Variants in UXS1 observed in about 807,000 individuals in gnomAD.
UXS1 encodes UDP-glucuronic acid decarboxylase 1.
In UXS1, 33 loss-of-function variants were observed where a neutral mutation model predicts 62.6. The ratio of observed to expected loss-of-function variants is 0.53; its 90% CI spans 0.40 to 0.70. The LOEUF (loss-of-function observed/expected upper bound fraction) is 0.70. UXS1 is among the 30% of genes least tolerant of loss of function. UXS1 has a pLI of 0.00. For synonymous variants in UXS1, 213 were observed against 206.8 expected (o/e 1.03, Z -0.26); for missense variants, 434 against 556.3 (o/e 0.78, Z 2.21).
intron 9 of UXS1, among the ~76,000 whole-genome samples, chr2:106,118,158 A>G (rs1301526223): frequency 6.6e-6 from 1 of 151,298 alleles, no homozygotes; most frequent in Non-Finnish European, 1.5e-5. Context: ...GGTCCAGAGG[A>G]CAGGACGGGC....
intron 14 of UXS1, among the ~76,000 whole-genome samples, chr2:106,096,175 C>G (rs1677068580): frequency 6.7e-6 from 1 of 149,434 alleles, no homozygotes; most frequent in Admixed American, 6.8e-5. Context: ...ACAGCGTTCA[C>G]AGTCAGGGGT....
intron 14 of UXS1, among the ~76,000 whole-genome samples, chr2:106,094,639 T>C (rs1676931361): frequency 6.6e-6 from 1 of 152,076 alleles, no homozygotes; most frequent in South Asian, 2.1e-4. Context: ...GCCTAGCGGA[T>C]CATGGCCCAC....
In UXS1 at chr2:106,166,677, G is replaced by C. The variant is rs191108712; in HGVS notation, c.95-594C>G. 8.5e-3 allele frequency among the ~76,000 whole-genome samples: 1,251 copies of C among 147,144 alleles called. 18 individuals are homozygous for C. Among genetic ancestry groups the C allele is most frequent in the Non-Finnish European group, 0.013 (889 of 67,224 alleles). On this transcript the variant is annotated intron_variant, in intron 1 of 14. Coordinates refer to ENST00000283148, the MANE Select transcript of UXS1 (RefSeq NM_001253875.2). Reference sequence around the variant, plus strand: ...TTTGGAATACCTCTTTTGGGGTCTAGAGTTGGACAGTGCAGGTGAAGCTTT... The same window carrying C: ...TTTGGAATACCTCTTTTGGGGTCTACAGTTGGACAGTGCAGGTGAAGCTTT...
chr2:106,175,024 C>T (rs1362694580), intron 1 of UXS1, among the ~76,000 whole-genome samples: 1 of 152,210 alleles, frequency 6.6e-6, no homozygotes, highest in Non-Finnish European at 1.5e-5. Context: ...GTGGCACATG[C>T]TCAAACAAAA....
At chr2:106,095,440 C>G (rs1167125245) in intron 14 of UXS1, among the ~76,000 whole-genome samples, 2 of 152,216 alleles carry the variant, frequency 1.3e-5, no homozygotes, top group Non-Finnish European at 2.9e-5. Flanking sequence ...AAGGATCAGG[C>G]TGGAACTCTC....
chr2:106,136,993 C>CAA (rs1680707053), intron 6 of UXS1, among the ~76,000 whole-genome samples: 1 of 120,754 alleles, frequency 8.3e-6, no homozygotes, highest in African/African-American at 3.2e-5. Context: ...AAAAGAAAGC[C>CAA]AAGTCTGAAA....
At chr2:106,160,955 G>A (rs1309660762) in intron 4 of UXS1, among the ~76,000 whole-genome samples, 1 of 152,242 alleles carries the variant, frequency 6.6e-6, no homozygotes, top group South Asian at 2.1e-4. Flanking sequence ...TCACTTCTTC[G>A]AGAAGCCACA....
intron 1 of UXS1, chr2:106,166,368 G>T: frequency 3.6e-6 from 1 of 278,540 alleles, no homozygotes; most frequent in South Asian, 1.2e-4. Flanking sequence ...GTGACAAGTG[G>T]GCTTTTAAAG....
At chr2:106,139,858 A>G (rs1265918858) in intron 6 of UXS1, among the ~76,000 whole-genome samples, 1 of 152,208 alleles carries the variant, frequency 6.6e-6, no homozygotes, top group Non-Finnish European at 1.5e-5. Flanking sequence ...AACTCACGCG[A>G]TTATTTAGCA....
At chr2:106,127,060 G>A (rs1680018519) in intron 7 of UXS1, among the ~76,000 whole-genome samples, 1 of 152,198 alleles carries the variant, frequency 6.6e-6, no homozygotes, top group South Asian at 2.1e-4. Flanking sequence ...CCAAGCTGCA[G>A]TGTGTATCAA....
chr2:106,111,500 G>C (rs1278627758), intron 10 of UXS1, among the ~76,000 whole-genome samples: 1 of 152,196 alleles, frequency 6.6e-6, no homozygotes, highest in Non-Finnish European at 1.5e-5. Context: ...TGGTAGCGGA[G>C]CAGCCAACAC....
In UXS1 at chr2:106,179,532, T is replaced by C. The variant is rs554359554; in HGVS notation, c.95-13449A>G. 2.6e-5 allele frequency: 4 copies of C among 152,304 alleles called. No individual in the cohort carries two copies. In the East Asian group the frequency reaches 5.8e-4, roughly 22 times the overall value. 9.4% of individuals were successfully genotyped at this position (152,304 alleles called of 1,614,324 possible). On this transcript the variant is annotated intron_variant, in intron 1 of 14. Coordinates refer to ENST00000283148, the MANE Select transcript of UXS1 (RefSeq NM_001253875.2). ...TGCAAGTTCAACATTACAGAGGAAA[T>C]GGAAGATTACAATGAGAACTTTAAT...
At chr2:106,154,342 A>G (rs1682265132) in intron 5 of UXS1, among the ~76,000 whole-genome samples, 1 of 152,250 alleles carries the variant, frequency 6.6e-6, no homozygotes, top group Non-Finnish European at 1.5e-5. Context: ...ACTGTCCTAC[A>G]AAGTTTATGT....
intron 13 of UXS1, among the ~76,000 whole-genome samples, chr2:106,097,864 G>A (rs537412086): frequency 1.3e-5 from 2 of 152,340 alleles, no homozygotes; most frequent in Admixed American, 1.3e-4. Flanking sequence ...GGGAGCCACA[G>A]ATGATGCAGG....
At chr2:106,142,868 T>C (rs1185599475) in intron 6 of UXS1, among the ~76,000 whole-genome samples, 1 of 152,126 alleles carries the variant, frequency 6.6e-6, no homozygotes, top group African/African-American at 2.4e-5. Context: ...GCACCAGTCA[T>C]TTATTGTATG....
intron 2 of UXS1, 71 bp from the exon 3 acceptor site, chr2:106,164,870 ACC>A: frequency 8.4e-7 from 1 of 1,188,420 alleles, no homozygotes; most frequent in Non-Finnish European, 1.2e-6. Context: ...CCCTAACATA[ACC>A]CAACGGATGC....
Position 106,179,148 on chromosome 2 carries a change from C to T in UXS1, c.95-13065G>A, listed in dbSNP as rs1684087898. On this transcript the variant is annotated intron_variant, in intron 1 of 14. Transcript: ENST00000283148. The stretch of plus-strand genomic sequence containing the variant: ...TCATGCATCAGGCACAGGTGAGGCA[C>T]CCTCTCCAAATCAAGGCCAATCCCA... Among the ~76,000 whole-genome samples, 4 of 152,112 alleles carry T rather than the reference C, an allele frequency of 2.6e-5. No individual in the cohort carries two copies. In the South Asian group the frequency reaches 8.3e-4, roughly 31 times the overall value.
rs58256054 is a variant in UXS1 at position 106,138,735 on chromosome 2, G to C, written c.472+6455C>G. 1.5e-3 allele frequency: 1,445 copies of C among 985,436 alleles called. 18 individuals are homozygous for C. In the African/African-American group the frequency reaches 0.023, roughly 16 times the overall value. 61.0% of individuals were successfully genotyped at this position (985,436 alleles called of 1,614,324 possible). A position where few individuals can be genotyped will look rare whatever the true frequency, so the allele number is the denominator to read the frequency against. On this transcript the variant is annotated intron_variant, in intron 6 of 14. Transcript: ENST00000283148. ...GAGGGCCGCCCCATCAGACTGTCGA[G>C]ACGTTCAGTTAAGTAGCGGCACTGC...
chr2:106,107,696 A>G (rs765947827), intron 10 of UXS1, among the ~76,000 whole-genome samples: 6 of 152,152 alleles, frequency 3.9e-5, no homozygotes, highest in Non-Finnish European at 7.3e-5. Context: ...TCTGCTGGGT[A>G]TTTCCCACCG....
Sources: allele counts gnomAD v4.1 joint callset (sites outside exome capture counted in the v4.1 genomes callset), GRCh38; gene constraint gnomAD v4.1.1; transcripts MANE v1.5; gene names NCBI Gene and HGNC (gene_info 2026-07-23, HGNC 2026-07-21).